The following LINS1 variants were observed in gnomAD, a reference collection of about 807,000 sequenced individuals.
The protein encoded by LINS1 is protein Lines homolog 1.
In LINS1, 27 loss-of-function variants were observed where a neutral mutation model predicts 41.6. The observed-to-expected ratio is 0.65, with a 90% CI of 0.48 to 0.89. The LOEUF is 0.89. Ranked by LOEUF, LINS1 falls within the 40% of genes least tolerant of loss-of-function variation. The pLI is 0.00. For synonymous variants in LINS1, 336 were observed against 312.9 expected, an observed-to-expected ratio of 1.07 and a Z score of -0.78; for missense variants, 955 against 884.1, an observed-to-expected ratio of 1.08 and a Z score of -1.02.
chr15:100,598,400 A>T lies in LINS1; in HGVS notation c.-104+3721T>A, dbSNP rs2039337705. On this transcript the variant is annotated intron_variant, in intron 1 of 6. Coordinates refer to ENST00000314742, the MANE Select transcript of LINS1 (RefSeq NM_001040616.3). ...GTAATATTTTAAGTTGTGAATTTTA[A>T]ATTATAATAAAAATGTAGTATCAAA... Among the ~76,000 whole-genome samples the T allele has an allele frequency of 2.0e-5, 3 of 152,236 alleles. No individual in the cohort carries two copies. The South Asian group carries it at 6.2e-4, about 32-fold the overall frequency.
chr15:100,600,475 C>T (rs1351425751), intron 1 of LINS1, among the ~76,000 whole-genome samples: 2 of 135,850 alleles, frequency 1.5e-5, no homozygotes, highest in Admixed American at 8.1e-5. Context: ...CAATGGCTTC[C>T]TATACATTTC....
Position 100,571,890 on chromosome 15 carries a change from T to G in LINS1, c.1394+4A>C, listed in dbSNP as rs200846434. On this transcript the variant is annotated splice_donor_region_variant and intron_variant, in intron 6 of 6. Coordinates refer to ENST00000314742, the MANE Select transcript of LINS1 (RefSeq NM_001040616.3). ...GTTCAATAATTACTTTAAAATACAC[T>G]AACCTGGTCAGTGTTAAGTAGATGC... 1.9e-6 allele frequency: 3 copies of G among 1,614,032 alleles called. No homozygotes were observed. The African/African-American group carries it at 4.0e-5, about 22-fold the overall frequency.
intron 6 of LINS1, 24 bp downstream of exon 6, chr15:100,571,870 A>C: frequency 1.2e-6 from 2 of 1,613,860 alleles, no homozygotes; most frequent in Middle Eastern, 1.7e-4. Context: ...AGGCCGTTCA[A>C]TAATTACTTT....
At position 100,572,036 on chromosome 15, in the gene LINS1, G is replaced by C. The variant is rs1254196437; in HGVS notation, c.1252C>G (p.Leu418Val). Residue 418 changes from leucine to valine, a missense_variant, in exon 6 of 7, where the codon CTG (leucine) becomes GTG (valine). Leu to Val is a conservative substitution (Grantham distance 32). Transcript: ENST00000314742. ...TGAAGATGAGGCTTTAAGAAGGTCAGTAACTCAGACATGAACCTCTGTAAG... is the reference window on the plus strand; with the variant it reads ...TGAAGATGAGGCTTTAAGAAGGTCACTAACTCAGACATGAACCTCTGTAAG... Reference protein sequence around the residue: ...VDLQRFMSELLTFLKPHLQPS... With the variant: ...VDLQRFMSELVTFLKPHLQPS... The C allele has an allele frequency of 1.9e-6, 3 of 1,614,072 alleles. No individual in the cohort carries two copies. Among genetic ancestry groups the C allele is most frequent in the Non-Finnish European group, 2.5e-6 (3 of 1,180,034 alleles).
At position 100,568,578 on chromosome 15, in the gene LINS1, G is replaced by A. The variant is rs548876043; in HGVS notation, c.*660C>T. ...TTCTTCTCCAGACCCTGAGGGCATT[G>A]CCCTGCTGAAGCCTGAGTTTGGATT... On this transcript the variant is annotated 3_prime_UTR_variant, in exon 7 of 7. Coordinates refer to ENST00000314742, the MANE Select transcript of LINS1 (RefSeq NM_001040616.3). 1.1e-4 allele frequency: 17 copies of A among 152,648 alleles called. No homozygotes were observed. Among genetic ancestry groups the A allele is most frequent in the Admixed American group, 2.6e-4 (4 of 15,326 alleles). 9.5% of individuals were successfully genotyped at this position (152,648 alleles called of 1,614,324 possible).
intron 3 of LINS1, among the ~76,000 whole-genome samples, chr15:100,576,873 A>C (rs908288029): frequency 6.6e-6 from 1 of 152,244 alleles, no homozygotes; most frequent in Non-Finnish European, 1.5e-5. Flanking sequence ...GGTTCAACAT[A>C]TGCAAATCAG....
intron 3 of LINS1, among the ~76,000 whole-genome samples, chr15:100,579,590 A>T (rs1225509486): frequency 2.0e-5 from 3 of 152,272 alleles, no homozygotes; most frequent in African/African-American, 7.2e-5. Flanking sequence ...TTCTACTGTA[A>T]TATCACTTTT....
intron 1 of LINS1, among the ~76,000 whole-genome samples, chr15:100,588,430 C>T (rs997022363): frequency 5.3e-5 from 8 of 152,184 alleles, no homozygotes; most frequent in African/African-American, 1.7e-4. Flanking sequence ...GAGCTTAAAT[C>T]AAATATTTTG....
At chr15:100,590,792 C>T (rs986381300) in intron 1 of LINS1, among the ~76,000 whole-genome samples, 1 of 152,144 alleles carries the variant, frequency 6.6e-6, no homozygotes, top group African/African-American at 2.4e-5. Context: ...CTAGCTCATT[C>T]TTTGATCTAT....
At chr15:100,573,264 A>AG (rs2037945824) in intron 5 of LINS1, 1 of 550,590 alleles carries the variant, frequency 1.8e-6, no homozygotes, top group South Asian at 5.8e-5. Flanking sequence ...CATGGGCCGA[A>AG]GGGGGGTCAG....
intron 5 of LINS1, chr15:100,572,980 G>T: frequency 3.9e-6 from 1 of 259,702 alleles, no homozygotes; most frequent in Non-Finnish European, 6.1e-6. Context: ...CAGTGAGCCT[G>T]GGAGACAGAG....
intron 1 of LINS1, among the ~76,000 whole-genome samples, chr15:100,587,346 T>C (rs759296273): frequency 6.6e-6 from 1 of 152,038 alleles, no homozygotes; most frequent in Non-Finnish European, 1.5e-5. Context: ...CTAGAGTGAA[T>C]TTCTTGATTG....
intron 6 of LINS1, among the ~76,000 whole-genome samples, 166 bp downstream of exon 6, chr15:100,571,728 C>T (rs149339981): frequency 0.016 from 2,373 of 152,300 alleles, 37 homozygotes; most frequent in Non-Finnish European, 0.022. Context: ...CCTAGCGATA[C>T]AAATGCAATC....
At chr15:100,572,367 A>C in intron 5 of LINS1, 1 of 1,185,516 alleles carries the variant, frequency 8.4e-7, no homozygotes. Context: ...TTCTTGCTAA[A>C]AGCAGATAAA....
chr15:100,600,940 C>T (rs1039227534), intron 1 of LINS1, among the ~76,000 whole-genome samples: 4 of 152,196 alleles, frequency 2.6e-5, no homozygotes, highest in East Asian at 1.9e-4. Context: ...ATCTGACTCT[C>T]GGCGTCTTCT....
Position 100,600,551 on chromosome 15 carries a change from C to CCAAAAAAA in LINS1, c.-104+1569_-104+1570insTTTTTTTG, listed in dbSNP as rs777968890. The stretch of plus-strand genomic sequence containing the variant: ...TTTACATTGGAGTCCTGCTGTTAAG[C>CCAAAAAAA]AAAAAAAAAAAAAAAAAAAACAGGG... On this transcript the variant is annotated intron_variant, in intron 1 of 6. Transcript: ENST00000314742. Among the ~76,000 whole-genome samples the CCAAAAAAA allele has an allele frequency of 1.3e-4, 10 of 79,678 alleles. 1 individual carries two copies. The highest frequency in any genetic ancestry group is 4.7e-4 in the African/African-American group (7 of 15,012). The allele number at this position is 79,678 out of a possible 152,430, so 52.3% of individuals were successfully genotyped here.
rs902268440 is a variant in LINS1, at chr15:100,569,506, T to C, written c.2006A>G (p.Asp669Gly). The C allele has an allele frequency of 1.9e-6, 3 of 1,614,118 alleles. No individual in the cohort carries two copies. Among genetic ancestry groups the C allele is most frequent in the Admixed American group, 3.3e-5 (2 of 60,004 alleles). The change falls in exon 7 of 7, where the codon GAT (aspartate) becomes GGT (glycine). Residue 669 changes from aspartate (D) to glycine (G), a missense_variant. Physicochemically the swap from Asp to Gly is moderately conservative, Grantham distance 94. Transcript: ENST00000314742. ...AGGCTCAAGGCTAAATTCTTTTTTA[T>C]CCCTGCTTGTCCCAGCTGCATCCTG... ...EIQDAAGTSRDKKEFSLEPPS... is the reference protein window; with the variant it reads ...EIQDAAGTSRGKKEFSLEPPS...
intron 1 of LINS1, among the ~76,000 whole-genome samples, chr15:100,599,864 G>A (rs370444437): frequency 3.3e-5 from 5 of 152,070 alleles, no homozygotes; most frequent in East Asian, 1.9e-4. Context: ...TCAGAGGTTC[G>A]AGACCAGCCT....
intron 5 of LINS1, 162 bp downstream of exon 5, chr15:100,573,489 C>A: frequency 3.7e-6 from 3 of 812,286 alleles, no homozygotes; most frequent in East Asian, 2.8e-5. Flanking sequence ...AAAGGTAAAT[C>A]CAGTTCTTTT....
Sources: gnomAD v4.1 joint callset for allele counts (sites outside exome capture counted in the v4.1 genomes callset) on GRCh38, gnomAD v4.1.1 for gene constraint, MANE v1.5 for transcripts, NCBI Gene and HGNC (gene_info 2026-07-23, HGNC 2026-07-21) for gene names.